Variants in NCBP2L observed in about 807,000 individuals in gnomAD.
NCBP2L encodes the protein nuclear cap-binding protein subunit 2-like.
For missense variants in NCBP2L, 95 were observed against 53.1 expected, an observed-to-expected ratio of 1.79 and a Z score of -2.45; for synonymous variants, 39 against 19.2, an observed-to-expected ratio of 2.04 and a Z score of -2.70.
rs769083822 is a variant in NCBP2L, at chrX:107,783,358, C to CTTTTTT, written c.-73+5516_-73+5521dup. Among the ~76,000 whole-genome samples the CTTTTTT allele has an allele frequency of 6.1e-4, 38 of 61,948 alleles. 1 individual carries two copies. Among genetic ancestry groups the CTTTTTT allele is most frequent in the African/African-American group, 2.5e-3 (30 of 11,917 alleles). The allele number at this position is 61,948 out of a possible 115,157, so 53.8% of individuals were successfully genotyped here. ...ATTAGCCTGGCATGGTGGCACTTGCCTTTTTTTTTTTTTTTTTTTTTATTT... is the reference window on the plus strand; with the variant it reads ...ATTAGCCTGGCATGGTGGCACTTGCCTTTTTTTTTTTTTTTTTTTTTTTTTTTATTT... On this transcript the variant is annotated intron_variant, in intron 1 of 1. Coordinates refer to ENST00000509000, the MANE Select transcript of NCBP2L (RefSeq NM_001348372.2).
chrX:107,783,685 T>C (rs1376847858), intron 1 of NCBP2L, among the ~76,000 whole-genome samples: 1 of 110,629 alleles, frequency 9.0e-6, no homozygotes, highest in Non-Finnish European at 1.9e-5. Flanking sequence ...GAATTGTATA[T>C]ATTTAAGGTG....
intron 1 of NCBP2L, among the ~76,000 whole-genome samples, chrX:107,781,988 G>A (rs1930299312): frequency 2.1e-5 from 2 of 94,386 alleles, no homozygotes; most frequent in Admixed American, 2.6e-4. Flanking sequence ...GCTTCCCAAA[G>A]TGCTGGGATT....
At position 107,794,743 on chromosome X, in the gene NCBP2L, C is replaced by A; in HGVS notation, c.*61C>A. 1 of 427,181 alleles carries A rather than the reference C, an allele frequency of 2.3e-6. No individual in the cohort carries two copies. Among genetic ancestry groups the A allele is most frequent in the Non-Finnish European group, 4.2e-6 (1 of 236,188 alleles). 35.2% of individuals were successfully genotyped at this position (427,181 alleles called of 1,213,427 possible). Reference sequence around the variant, plus strand: ...CTTGAAAAGTGTGTTATAGACCAACCTCAAGTCTGCAAATAGCCAATTCCA... The same window carrying A: ...CTTGAAAAGTGTGTTATAGACCAACATCAAGTCTGCAAATAGCCAATTCCA... On this transcript the variant is annotated 3_prime_UTR_variant, in exon 2 of 2. Coordinates refer to ENST00000509000, the MANE Select transcript of NCBP2L (RefSeq NM_001348372.2).
intron 1 of NCBP2L, among the ~76,000 whole-genome samples, chrX:107,783,372 T>TTA (rs1556345948): frequency 1.1e-5 from 1 of 90,805 alleles, no homozygotes; most frequent in Non-Finnish European, 2.2e-5. Context: ...TTTTTTTTTT[T>TTA]TTTTTTTATT....
chrX:107,782,388 C>T (rs1376242228), intron 1 of NCBP2L, among the ~76,000 whole-genome samples: 3 of 58,942 alleles, frequency 5.1e-5, no homozygotes, highest in Middle Eastern at 0.011. Context: ...TATATATACC[C>T]ACACATATAT....
chrX:107,787,079 C>T (rs774694354), intron 1 of NCBP2L, among the ~76,000 whole-genome samples: 1 of 111,683 alleles, frequency 9.0e-6, no homozygotes, highest in Admixed American at 9.6e-5. Context: ...GTACTGTGCA[C>T]TCAAATCACC....
At chrX:107,781,525 C>A (rs1279149468) in intron 1 of NCBP2L, among the ~76,000 whole-genome samples, 1 of 86,804 alleles carries the variant, frequency 1.2e-5, no homozygotes, top group African/African-American at 4.5e-5. Flanking sequence ...GTTGCTCAGG[C>A]AGGTTTTGAA....
At chrX:107,786,567 T>C (rs1930395032) in intron 1 of NCBP2L, among the ~76,000 whole-genome samples, 1 of 111,538 alleles carries the variant, frequency 9.0e-6, no homozygotes, top group Non-Finnish European at 1.9e-5. Context: ...AATCATAACA[T>C]AGTTCTAAGT....
intron 1 of NCBP2L, among the ~76,000 whole-genome samples, chrX:107,789,152 G>C (rs1930419661): frequency 9.9e-6 from 1 of 100,628 alleles, no homozygotes; most frequent in Admixed American, 1.1e-4. Flanking sequence ...CCACATAGTT[G>C]TGTCCCTACA....
chrX:107,781,676 A>ATCTATCTCTCTC (rs1380779020), intron 1 of NCBP2L, among the ~76,000 whole-genome samples: 29 of 55,883 alleles, frequency 5.2e-4, no homozygotes, highest in African/African-American at 2.9e-3. Context: ...CTATCTATCT[A>ATCTATCTCTCTC]TCTCTCTCTC....
chrX:107,778,881 C>A (rs754413612), intron 1 of NCBP2L, among the ~76,000 whole-genome samples: 1 of 111,972 alleles, frequency 8.9e-6, no homozygotes, highest in African/African-American at 3.2e-5. Context: ...AACAGAGCTG[C>A]AGACAGACAA....
chrX:107,780,507 A>G (rs6622263), intron 1 of NCBP2L, among the ~76,000 whole-genome samples: 3,312 of 111,097 alleles, frequency 0.03, 107 homozygotes, highest in East Asian at 0.15. Context: ...TTCTAAGGTT[A>G]CACAGCTGGC....
intron 1 of NCBP2L, among the ~76,000 whole-genome samples, chrX:107,781,692 C>A (rs190381012): frequency 0.14 from 9,548 of 66,586 alleles, 754 homozygotes; most frequent in East Asian, 0.24. Context: ...CTCTCTCTCT[C>A]TATATATATA....
chrX:107,778,764 T>C (rs898030662), intron 1 of NCBP2L, among the ~76,000 whole-genome samples: 2 of 112,629 alleles, frequency 1.8e-5, no homozygotes, highest in Non-Finnish European at 3.8e-5. Context: ...GATGAACTCA[T>C]TCAACAGTCA....
chrX:107,791,393 T>C (rs1024831774), intron 1 of NCBP2L, among the ~76,000 whole-genome samples: 7 of 111,407 alleles, frequency 6.3e-5, no homozygotes, highest in African/African-American at 2.3e-4. Context: ...TATAGTCACA[T>C]GCCACCACGC....
chrX:107,784,807 CAAAAAAA>C (rs10550955), intron 1 of NCBP2L, among the ~76,000 whole-genome samples: 5 of 41,085 alleles, frequency 1.2e-4, no homozygotes, highest in Non-Finnish European at 2.5e-4. Flanking sequence ...CCCATCTCCA[CAAAAAAA>C]AAAAAAAAAA....
At chrX:107,782,502 T>C (rs1306265728) in intron 1 of NCBP2L, among the ~76,000 whole-genome samples, 2 of 97,608 alleles carry the variant, frequency 2.0e-5, no homozygotes, top group East Asian at 6.3e-4. Flanking sequence ...TTAGCAAATT[T>C]CAAGTGAACA....
intron 1 of NCBP2L, among the ~76,000 whole-genome samples, chrX:107,784,468 C>T (rs776824757): frequency 9.1e-6 from 1 of 110,377 alleles, no homozygotes; most frequent in Admixed American, 9.7e-5. Flanking sequence ...CATGAAATTA[C>T]ATATTACATA....
At chrX:107,781,676 A>ATCTATCTATCTATCTATCTATCTATCTC (rs1380779020) in intron 1 of NCBP2L, among the ~76,000 whole-genome samples, 2 of 55,919 alleles carry the variant, frequency 3.6e-5, no homozygotes, top group African/African-American at 2.3e-4. Flanking sequence ...CTATCTATCT[A>ATCTATCTATCTATCTATCTATCTATCTC]TCTCTCTCTC....
Sources: gnomAD v4.1 joint callset for allele counts (sites outside exome capture counted in the v4.1 genomes callset) on GRCh38, gnomAD v4.1.1 for gene constraint, MANE v1.5 for transcripts, NCBI Gene and HGNC (gene_info 2026-07-23, HGNC 2026-07-21) for gene names.